Variants in PAX5 observed in about 807,000 individuals in gnomAD.
PAX5 encodes the protein paired box 5.
A neutral mutation model predicts 43.7 loss-of-function variants in PAX5; 9 were observed. That is an observed-to-expected ratio of 0.21 (90% CI 0.12 to 0.36). PAX5 has a LOEUF of 0.36. PAX5 is among the 10% of genes least tolerant of loss of function. PAX5 has a pLI of 1.00. For missense variants in PAX5, 383 were observed against 532.7 expected (o/e 0.72, Z 2.77); for synonymous variants, 228 against 214.3 (o/e 1.06, Z -0.56).
At chr9:36,873,508 C>T (rs1262728995) in intron 8 of PAX5, among the ~76,000 whole-genome samples, 2 of 152,216 alleles carry the variant, frequency 1.3e-5, no homozygotes, top group Admixed American at 1.3e-4. Context: ...CAGGTGTGCA[C>T]CCCAGAGGCC....
At position 37,031,090 on chromosome 9, in the gene PAX5, A is replaced by T. The variant is rs1840936456; in HGVS notation, c.46+2896T>A. On this transcript the variant is annotated intron_variant, in intron 1 of 9. Transcript: ENST00000358127. ...GCATGATTCCTGCCCCTGGATCAGG[A>T]GTCTGCTCTACTTGACCTGTCCCTG... Among the ~76,000 whole-genome samples the T allele has an allele frequency of 2.6e-5, 4 of 152,268 alleles. No homozygotes were observed. In the South Asian group the frequency reaches 8.3e-4, roughly 32 times the overall value.
chr9:36,934,285 G>A lies in PAX5; in HGVS notation c.781-10801C>T, dbSNP rs1206217973. ...AGCCCAGAAGAGAGATCAGAATAAA[G>A]CCCTGGAGGGCAGGCCTTTTGCGTT... On this transcript the variant is annotated intron_variant, in intron 6 of 9. Coordinates refer to ENST00000358127, the MANE Select transcript of PAX5 (RefSeq NM_016734.3). 3.3e-5 allele frequency among the ~76,000 whole-genome samples: 5 copies of A among 152,230 alleles called. No individual in the cohort carries two copies. The East Asian group carries it at 9.6e-4, about 29-fold the overall frequency.
intron 7 of PAX5, among the ~76,000 whole-genome samples, chr9:36,909,904 C>G (rs12349518): frequency 0.019 from 2,698 of 145,062 alleles, 83 homozygotes; most frequent in African/African-American, 0.066. Flanking sequence ...TCACTGCAGC[C>G]TTGACCTCCT....
intron 9 of PAX5, among the ~76,000 whole-genome samples, 163 bp from the exon 10 acceptor site, chr9:36,840,799 C>T (rs1821986407): frequency 6.6e-6 from 1 of 152,186 alleles, no homozygotes; most frequent in African/African-American, 2.4e-5. Context: ...CCCATCAGGG[C>T]CACAACCTGC....
At chr9:36,951,621 A>T (rs1001146388) in intron 6 of PAX5, among the ~76,000 whole-genome samples, 1 of 152,224 alleles carries the variant, frequency 6.6e-6, no homozygotes, top group Non-Finnish European at 1.5e-5. Flanking sequence ...GTTAATTACT[A>T]AAAACACCAC....
rs1205284465 is a variant in PAX5, at chr9:36,835,801, G to C, written c.*4759C>G. On this transcript the variant is annotated 3_prime_UTR_variant, in exon 10 of 10. Coordinates refer to ENST00000358127, the MANE Select transcript of PAX5 (RefSeq NM_016734.3). The stretch of plus-strand genomic sequence containing the variant: ...AGACTGCAGAACTGGCCTCGTAGTG[G>C]GGCCACCGTGGAGCCGGTCTAGCTC... 1 of 233,202 alleles carries C rather than the reference G, an allele frequency of 4.3e-6. No homozygotes were observed. The highest frequency in any genetic ancestry group is 2.2e-5 in the African/African-American group (1 of 45,338). The allele number at this position is 233,202 out of a possible 1,614,324, so 14.4% of individuals were successfully genotyped here.
intron 8 of PAX5, among the ~76,000 whole-genome samples, chr9:36,852,602 A>T (rs941229107): frequency 1.3e-5 from 2 of 152,234 alleles, no homozygotes; most frequent in African/African-American, 2.4e-5. Flanking sequence ...CGCGGAGCAG[A>T]GGAGCCCGGG....
At chr9:36,951,038 A>G (rs10511936) in intron 6 of PAX5, among the ~76,000 whole-genome samples, 31,579 of 151,820 alleles carry the variant, frequency 0.21, 3,674 homozygotes, top group Non-Finnish European at 0.24. Flanking sequence ...CACTGCATGA[A>G]TTTTCTTTTC....
At chr9:36,880,379 G>A (rs902900927) in intron 8 of PAX5, among the ~76,000 whole-genome samples, 1 of 152,230 alleles carries the variant, frequency 6.6e-6, no homozygotes, top group Non-Finnish European at 1.5e-5. Context: ...AGGATGGCCC[G>A]GGGGAAGAGA....
In PAX5 at chr9:37,034,098, C is replaced by CTTTTTTTTTTTTTTT. The variant is rs576653546; in HGVS notation, c.-82_-68dup. ...TCCACTTTTTTGTGCCTTTTTTTTT[C>CTTTTTTTTTTTTTTT]TTTTTTTTTTTTTTTTTTTTTTTTT... On this transcript the variant is annotated 5_prime_UTR_variant, in exon 1 of 10. Transcript: ENST00000358127. The CTTTTTTTTTTTTTTT allele has an allele frequency of 7.8e-4, 251 of 320,004 alleles. 13 individuals carry two copies. Among genetic ancestry groups the CTTTTTTTTTTTTTTT allele is most frequent in the South Asian group, 1.7e-3 (56 of 33,878 alleles). The allele number at this position is 320,004 out of a possible 1,614,324, so 19.8% of individuals were successfully genotyped here. A position where few individuals can be genotyped will look rare whatever the true frequency, so the allele number is the denominator to read the frequency against.
intron 8 of PAX5, among the ~76,000 whole-genome samples, chr9:36,854,255 C>T (rs1025587970): frequency 1.4e-4 from 22 of 152,216 alleles, no homozygotes; most frequent in Non-Finnish European, 2.2e-4. Context: ...AAACTGTTGA[C>T]GACCAGAGTG....
At chr9:36,905,827 C>T (rs1347189006) in intron 7 of PAX5, among the ~76,000 whole-genome samples, 3 of 152,198 alleles carry the variant, frequency 2.0e-5, no homozygotes, top group Non-Finnish European at 4.4e-5. Context: ...TTTGGGAGAA[C>T]TTGAGTTCTC....
chr9:37,026,790 C>G (rs1241678178), intron 1 of PAX5: 3 of 930,550 alleles, frequency 3.2e-6, no homozygotes, highest in African/African-American at 3.6e-5. Flanking sequence ...CGCACCCGGG[C>G]TAGGAGCGGG....
At chr9:36,944,951 T>A (rs1330475968) in intron 6 of PAX5, among the ~76,000 whole-genome samples, 2 of 152,228 alleles carry the variant, frequency 1.3e-5, no homozygotes, top group East Asian at 3.8e-4. Context: ...GACACCCTCA[T>A]GTGAAAGCTC....
chr9:37,021,036 C>T (rs562698687), intron 1 of PAX5, among the ~76,000 whole-genome samples: 108 of 152,290 alleles, frequency 7.1e-4, no homozygotes, highest in Non-Finnish European at 1.4e-3. Flanking sequence ...CAGCAAACAT[C>T]CCCATACTAT....
intron 6 of PAX5, among the ~76,000 whole-genome samples, 190 bp downstream of exon 6, chr9:36,966,359 C>T (rs1834434761): frequency 6.6e-6 from 1 of 152,242 alleles, no homozygotes; most frequent in South Asian, 2.1e-4. Context: ...CCACTGGAGG[C>T]CCAGACAAGC....
chr9:36,960,265 C>G (rs1833848300), intron 6 of PAX5, among the ~76,000 whole-genome samples: 1 of 152,194 alleles, frequency 6.6e-6, no homozygotes, highest in Non-Finnish European at 1.5e-5. Context: ...AACTGTAGTA[C>G]CTGTCACGAA....
At chr9:36,863,637 A>G (rs1824455093) in intron 8 of PAX5, among the ~76,000 whole-genome samples, 2 of 152,246 alleles carry the variant, frequency 1.3e-5, no homozygotes, top group South Asian at 2.1e-4. Context: ...CTCTAGAACC[A>G]GTGAGCCTAC....
intron 5 of PAX5, among the ~76,000 whole-genome samples, chr9:36,982,271 A>G (rs1009742596): frequency 2.0e-5 from 3 of 152,194 alleles, no homozygotes; most frequent in African/African-American, 7.2e-5. Context: ...CTCAAAAAAA[A>G]TAAAAAAATA....
Sources: allele counts gnomAD v4.1 joint callset (sites outside exome capture counted in the v4.1 genomes callset), GRCh38; gene constraint gnomAD v4.1.1; transcripts MANE v1.5; gene names NCBI Gene and HGNC (gene_info 2026-07-23, HGNC 2026-07-21).